Variants in PLPP4 observed in about 807,000 individuals in gnomAD.
The protein encoded by PLPP4 is phospholipid phosphatase 4.
PLPP4 carries 20 observed loss-of-function variants against 32.2 expected under a neutral mutation model. The ratio of observed to expected loss-of-function variants is 0.62; its 90% CI spans 0.44 to 0.90. The LOEUF (loss-of-function observed/expected upper bound fraction) is 0.90, where lower values mean the gene tolerates loss of function less well. PLPP4 is among the 40% of genes least tolerant of loss of function. The pLI, the probability that PLPP4 is intolerant of heterozygous loss-of-function variation, is 0.00. For synonymous variants in PLPP4, 127 were observed against 133.0 expected (o/e 0.95, Z 0.31); for missense variants, 257 against 353.1 (o/e 0.73, Z 2.18).
intron 5 of PLPP4, among the ~76,000 whole-genome samples, chr10:120,525,735 TC>T (rs1371790740): frequency 1.3e-5 from 2 of 152,368 alleles, no homozygotes; most frequent in South Asian, 2.1e-4. Flanking sequence ...CATGTAGAAT[TC>T]TAGGAGGAAA....
intron 5 of PLPP4, among the ~76,000 whole-genome samples, chr10:120,574,186 T>A (rs1164056487): frequency 0.03 from 3,600 of 121,128 alleles, 49 homozygotes; most frequent in South Asian, 0.11. Context: ...TCTCTCTCTC[T>A]CTCTCTCTCT....
chr10:120,562,912 C>A (rs978002401), intron 5 of PLPP4, among the ~76,000 whole-genome samples: 2 of 152,074 alleles, frequency 1.3e-5, no homozygotes, highest in Admixed American at 1.3e-4. Context: ...AAATATGAGA[C>A]CTACAAAATC....
chr10:120,542,388 T>C (rs1272619242), intron 5 of PLPP4, among the ~76,000 whole-genome samples: 1 of 152,132 alleles, frequency 6.6e-6, no homozygotes, highest in Non-Finnish European at 1.5e-5. Flanking sequence ...ACAGAATTAA[T>C]AGTGAATCAC....
intron 6 of PLPP4, among the ~76,000 whole-genome samples, chr10:120,575,787 G>T (rs1171838464): frequency 6.6e-6 from 1 of 152,164 alleles, no homozygotes; most frequent in Non-Finnish European, 1.5e-5. Flanking sequence ...CTGGGGTGAG[G>T]TTTGCCTATA....
At chr10:120,458,280 C>G (rs1847884353) in intron 1 of PLPP4, among the ~76,000 whole-genome samples, 1 of 152,218 alleles carries the variant, frequency 6.6e-6, no homozygotes. Context: ...ATCAGTGAGC[C>G]AAATTCTCTC....
At chr10:120,536,268 A>T (rs1301389006) in intron 5 of PLPP4, among the ~76,000 whole-genome samples, 2 of 152,106 alleles carry the variant, frequency 1.3e-5, no homozygotes, top group African/African-American at 2.4e-5. Context: ...AGAAAGCTAG[A>T]GGCATAACAC....
At chr10:120,478,622 A>G (rs769957569) in intron 1 of PLPP4, among the ~76,000 whole-genome samples, 6 of 152,218 alleles carry the variant, frequency 3.9e-5, no homozygotes, top group Non-Finnish European at 8.8e-5. Flanking sequence ...GCCTGCTCCC[A>G]TGATAATGCA....
chr10:120,473,955 G>A (rs560304114), intron 1 of PLPP4, among the ~76,000 whole-genome samples: 12 of 152,260 alleles, frequency 7.9e-5, no homozygotes, highest in African/African-American at 2.9e-4. Context: ...ATGTGAGAAC[G>A]AACTGATATA....
chr10:120,498,414 A>AC, intron 1 of PLPP4, among the ~76,000 whole-genome samples: 1 of 152,160 alleles, frequency 6.6e-6, no homozygotes, highest in East Asian at 1.9e-4. Context: ...ATTAAATAGC[A>AC]TTTTTTCCTT....
intron 6 of PLPP4, chr10:120,580,756 G>A: frequency 1.7e-6 from 1 of 595,188 alleles, no homozygotes; most frequent in Non-Finnish European, 2.6e-6. Flanking sequence ...TCTAAATGAA[G>A]TGACTTGAAA....
intron 6 of PLPP4, among the ~76,000 whole-genome samples, chr10:120,585,064 G>A (rs1316453270): frequency 6.6e-6 from 1 of 152,228 alleles, no homozygotes; most frequent in African/African-American, 2.4e-5. Flanking sequence ...TCTTTGGTCT[G>A]TTTAGTCAGT....
In PLPP4 at chr10:120,545,005, T is replaced by C. The variant is rs148012295; in HGVS notation, c.445+23910T>C. On this transcript the variant is annotated intron_variant, in intron 5 of 6. Coordinates refer to ENST00000398250, the MANE Select transcript of PLPP4 (RefSeq NM_001030059.3). Reference sequence around the variant, plus strand: ...GTTTGGTTTTGGCTGAGGAGTGACATGTGCTTGGTTGATGGCGTCACTTCT... The same window carrying C: ...GTTTGGTTTTGGCTGAGGAGTGACACGTGCTTGGTTGATGGCGTCACTTCT... Among the ~76,000 whole-genome samples, 582 of 152,344 alleles carry C rather than the reference T, an allele frequency of 3.8e-3. 9 individuals are homozygous for C. The highest frequency in any genetic ancestry group is 3.4e-3 in the Non-Finnish European group (228 of 68,018).
intron 6 of PLPP4, among the ~76,000 whole-genome samples, chr10:120,583,085 G>T (rs61871759): frequency 2.6e-4 from 39 of 151,864 alleles, no homozygotes; most frequent in Admixed American, 2.6e-3. Context: ...GCTGACTTTT[G>T]CCCTAGTACC....
chr10:120,460,048 C>T (rs964549163), intron 1 of PLPP4, among the ~76,000 whole-genome samples: 5 of 152,162 alleles, frequency 3.3e-5, no homozygotes, highest in African/African-American at 1.2e-4. Flanking sequence ...GCAACCAACC[C>T]GTAGATGCTC....
intron 5 of PLPP4, among the ~76,000 whole-genome samples, chr10:120,574,160 ACACACACACTCTCTCTCTCTCTCT>A (rs1293183742): frequency 0.018 from 2,049 of 116,628 alleles, 12 homozygotes; most frequent in Middle Eastern, 0.025. Flanking sequence ...ACACACACAC[ACACACACACTCTCTCTCTCTCTCT>A]CTCTCTCTCT....
chr10:120,550,520 A>G (rs1039885230), intron 5 of PLPP4, among the ~76,000 whole-genome samples: 3 of 151,938 alleles, frequency 2.0e-5, no homozygotes, highest in Non-Finnish European at 4.4e-5. Flanking sequence ...ACAGTACCCA[A>G]TTTCAAGAGT....
intron 1 of PLPP4, among the ~76,000 whole-genome samples, chr10:120,484,926 G>A (rs1367241753): frequency 2.0e-5 from 3 of 152,210 alleles, no homozygotes; most frequent in Non-Finnish European, 2.9e-5. Context: ...AAAAGAAGAG[G>A]CAGAAGAGGA....
intron 1 of PLPP4, among the ~76,000 whole-genome samples, chr10:120,459,482 T>A (rs1468245904): frequency 1.3e-5 from 2 of 152,202 alleles, no homozygotes; most frequent in Non-Finnish European, 2.9e-5. Flanking sequence ...CAGATAAGCG[T>A]CTGGCACCTT....
intron 1 of PLPP4, among the ~76,000 whole-genome samples, chr10:120,472,035 C>G (rs2133795650): frequency 6.6e-6 from 1 of 151,982 alleles, no homozygotes; most frequent in East Asian, 1.9e-4. Context: ...TCTCTCATGC[C>G]TTTGGTATAT....
Sources: allele counts gnomAD v4.1 joint callset (sites outside exome capture counted in the v4.1 genomes callset), GRCh38; gene constraint gnomAD v4.1.1; transcripts MANE v1.5; gene names NCBI Gene and HGNC (gene_info 2026-07-23, HGNC 2026-07-21).